Variants in GATB observed in about 807,000 individuals in gnomAD.
GATB encodes glutamyl-tRNA amidotransferase subunit B.
GATB carries 39 observed loss-of-function variants against 62.3 expected under a neutral mutation model. That is an observed-to-expected ratio of 0.63 (90% CI 0.48 to 0.82). The LOEUF (loss-of-function observed/expected upper bound fraction) is 0.82. Among genes scored for constraint, GATB ranks in the 40% least tolerant of loss-of-function variants. GATB has a pLI of 0.00. For missense variants in GATB, 670 were observed against 684.0 expected (o/e 0.98, Z 0.23); for synonymous variants, 276 against 258.9 (o/e 1.07, Z -0.63).
chr4:151,742,377 C>T (rs991557013), intron 2 of GATB, among the ~76,000 whole-genome samples: 2 of 152,298 alleles, frequency 1.3e-5, no homozygotes, highest in East Asian at 1.9e-4. Flanking sequence ...CGTGAGCCAC[C>T]GCACCCGGCT....
intron 10 of GATB, among the ~76,000 whole-genome samples, chr4:151,681,077 CT>C (rs1298964469): frequency 6.6e-6 from 1 of 152,220 alleles, no homozygotes; most frequent in Non-Finnish European, 1.5e-5. Flanking sequence ...CTATTTAAGT[CT>C]TGGTTCCCAT....
At chr4:151,695,829 C>A (rs916833139) in intron 9 of GATB, among the ~76,000 whole-genome samples, 2 of 152,134 alleles carry the variant, frequency 1.3e-5, no homozygotes, top group Non-Finnish European at 2.9e-5. Context: ...ACGACCACAG[C>A]TCGCTACAGC....
intron 5 of GATB, among the ~76,000 whole-genome samples, chr4:151,715,392 T>C (rs370102426): frequency 6.6e-6 from 1 of 152,178 alleles, no homozygotes; most frequent in Non-Finnish European, 1.5e-5. Context: ...CATGAGGAAA[T>C]TGAGTGTGAC....
intron 2 of GATB, among the ~76,000 whole-genome samples, chr4:151,741,743 T>C (rs1739491908): frequency 6.6e-6 from 1 of 152,216 alleles, no homozygotes; most frequent in African/African-American, 2.4e-5. Context: ...CTCATTGATT[T>C]CTCCCACTAG....
intron 12 of GATB, among the ~76,000 whole-genome samples, chr4:151,671,892 G>A (rs968961897): frequency 3.3e-5 from 5 of 152,138 alleles, no homozygotes; most frequent in African/African-American, 1.2e-4. Context: ...GGGCCACCAC[G>A]TGACCTCCTG....
At chr4:151,688,421 A>G (rs1215113200) in intron 10 of GATB, among the ~76,000 whole-genome samples, 1 of 152,224 alleles carries the variant, frequency 6.6e-6, no homozygotes, top group Non-Finnish European at 1.5e-5. Context: ...CAGAGGACAC[A>G]GTGCACAGTC....
At chr4:151,751,712 T>C (rs1357927780) in intron 2 of GATB, among the ~76,000 whole-genome samples, 1 of 152,248 alleles carries the variant, frequency 6.6e-6, no homozygotes, top group African/African-American at 2.4e-5. Context: ...TAAAACACTA[T>C]GATTACATTT....
intron 11 of GATB, chr4:151,677,571 C>T (rs1025838985): frequency 6.6e-6 from 1 of 152,184 alleles, no homozygotes; most frequent in African/African-American, 2.4e-5. Flanking sequence ...AAAACTTGTA[C>T]ATGAATGTTT....
chr4:151,673,886 G>A (rs1203380281), intron 11 of GATB: 1 of 152,224 alleles, frequency 6.6e-6, no homozygotes, highest in East Asian at 1.9e-4. Context: ...CCAACCAGGA[G>A]CCATTCCTCC....
At chr4:151,676,254 C>T (rs1012610885) in intron 11 of GATB, 1 of 152,156 alleles carries the variant, frequency 6.6e-6, no homozygotes, top group Non-Finnish European at 1.5e-5. Context: ...ACATTTTGTA[C>T]ATTAAAAGGT....
intron 11 of GATB, chr4:151,674,665 ACT>A (rs1279456256): frequency 2.0e-5 from 3 of 152,204 alleles, no homozygotes; most frequent in African/African-American, 7.2e-5. Flanking sequence ...GCACAGAAGT[ACT>A]TTCTTAATAA....
intron 2 of GATB, among the ~76,000 whole-genome samples, chr4:151,732,739 TA>T (rs1262042245): frequency 6.6e-6 from 1 of 151,490 alleles, no homozygotes; most frequent in Non-Finnish European, 1.5e-5. Flanking sequence ...AAAGAATTTT[TA>T]TAATTTTAAT....
rs188438562 is a variant in GATB, at chr4:151,734,689, T to G, written c.328-15151A>C. ...CACTACCTGATTTTAAACTATACTA[T>G]AAGGCCACAGTCACCAACACAGCCT... On this transcript the variant is annotated intron_variant, in intron 2 of 12. Coordinates refer to ENST00000263985, the MANE Select transcript of GATB (RefSeq NM_004564.3). Among the ~76,000 whole-genome samples the G allele has an allele frequency of 5.3e-5, 8 of 152,154 alleles. No homozygotes were observed. In the East Asian group the frequency reaches 1.5e-3, roughly 29 times the overall value.
At chr4:151,704,655 A>T (rs1216514958) in intron 7 of GATB, among the ~76,000 whole-genome samples, 2 of 151,316 alleles carry the variant, frequency 1.3e-5, no homozygotes, top group South Asian at 2.1e-4. Flanking sequence ...GGGTTTCACC[A>T]TGTTAGCCAG....
chr4:151,719,644 C>T (rs889001287), intron 2 of GATB, 106 bp from the exon 3 acceptor site: 3 of 672,080 alleles, frequency 4.5e-6, no homozygotes, highest in Non-Finnish European at 7.3e-6. Context: ...CTTCAACAGG[C>T]ATTATCTCTG....
chr4:151,673,002 T>C (rs972790995), intron 11 of GATB, 106 bp from the exon 12 acceptor site: 12 of 1,376,438 alleles, frequency 8.7e-6, no homozygotes, highest in African/African-American at 1.4e-5. Flanking sequence ...ATGAGCAGAT[T>C]CAATTAAGTC....
At chr4:151,697,102 C>T (rs1420623031) in intron 9 of GATB, among the ~76,000 whole-genome samples, 3 of 152,178 alleles carry the variant, frequency 2.0e-5, no homozygotes, top group Non-Finnish European at 4.4e-5. Flanking sequence ...AATAGAGCTA[C>T]CATTCAATCC....
At position 151,703,906 on chromosome 4, in the gene GATB, TAAATAAGAA is replaced by T. The variant is rs1738656265; in HGVS notation, c.963-20_963-12del. On this transcript the variant is annotated splice_polypyrimidine_tract_variant and intron_variant, in intron 7 of 12. Coordinates refer to ENST00000263985, the MANE Select transcript of GATB (RefSeq NM_004564.3). Reference sequence around the variant, plus strand: ...ATTGACATGGTGCACCTGCAATAGTTAAATAAGAAAACATTAAACATTGAAAGCAGCACT... The same window carrying T: ...ATTGACATGGTGCACCTGCAATAGTTAACATTAAACATTGAAAGCAGCACT... 2 of 1,597,314 alleles carry T rather than the reference TAAATAAGAA, an allele frequency of 1.3e-6. No individual in the cohort carries two copies. Among genetic ancestry groups the T allele is most frequent in the African/African-American group, 2.7e-5 (2 of 74,556 alleles).
intron 2 of GATB, among the ~76,000 whole-genome samples, chr4:151,755,765 T>C (rs1739814151): frequency 6.6e-6 from 1 of 152,248 alleles, no homozygotes; most frequent in Non-Finnish European, 1.5e-5. Context: ...ACTTATCCTT[T>C]TCCCACTGAT....
Sources: allele counts gnomAD v4.1 joint callset (sites outside exome capture counted in the v4.1 genomes callset), GRCh38; gene constraint gnomAD v4.1.1; transcripts MANE v1.5; gene names NCBI Gene and HGNC (gene_info 2026-07-23, HGNC 2026-07-21).